The following SNX20 variants were observed in gnomAD, a reference collection of about 807,000 sequenced individuals.
The protein encoded by SNX20 is sorting nexin-20.
A neutral mutation model predicts 24.5 loss-of-function variants in SNX20; 21 were observed. That is an observed-to-expected ratio of 0.86 (90% CI 0.61 to 1.23). The LOEUF (loss-of-function observed/expected upper bound fraction) is 1.23. Among genes scored for constraint, SNX20 ranks in the 50% most tolerant of loss-of-function variants. The pLI, the probability that SNX20 is intolerant of heterozygous loss-of-function variation, is 0.00. For synonymous variants in SNX20, 206 were observed against 192.8 expected (o/e 1.07, Z -0.57); for missense variants, 433 against 430.8 (o/e 1.00, Z -0.04).
At position 50,675,832 on chromosome 16, in the gene SNX20, C is replaced by T. The variant is rs772016083; in HGVS notation, c.220G>A (p.Val74Ile). 24 of 1,613,526 alleles carry T rather than the reference C, an allele frequency of 1.5e-5. No individual in the cohort carries two copies. The highest frequency in any genetic ancestry group is 7.7e-5 in the South Asian group (7 of 91,022). ...WQNQKCRWKH[V>I]KLLFEIASAR... ...GAAGCGATCTCAAAGAGCAGTTTGACGTGCTTCCAGCGGCATTTCTGGTTC... is the reference window on the plus strand; with the variant it reads ...GAAGCGATCTCAAAGAGCAGTTTGATGTGCTTCCAGCGGCATTTCTGGTTC... Residue 74 changes from valine (V) to isoleucine (I), a missense_variant, in exon 3 of 4, where the codon GTC becomes ATC. Physicochemically the swap from Val to Ile is conservative, Grantham distance 29. Transcript: ENST00000330943.
chr16:50,679,008 T>C (rs78919480), intron 1 of SNX20, among the ~76,000 whole-genome samples: 127 of 152,360 alleles, frequency 8.3e-4, no homozygotes, highest in African/African-American at 2.8e-3. Context: ...TTACAAATGT[T>C]TGAGACAACT....
downstream of SNX20, chr16:50,669,072 G>A (rs1458222615): frequency 3.9e-6 from 6 of 1,551,592 alleles, no homozygotes; most frequent in Non-Finnish European, 5.2e-6. Context: ...TGGACATCTC[G>A]GGTCTGGTTC....
chr16:50,677,684 C>T (rs1383077490), intron 1 of SNX20, 149 bp from the exon 2 acceptor site: 3 of 880,394 alleles, frequency 3.4e-6, no homozygotes, highest in Middle Eastern at 7.4e-4. Context: ...ACTCTCCCAG[C>T]TGCCAGATCC....
chr16:50,676,075 A>T (rs895658677), intron 2 of SNX20, among the ~76,000 whole-genome samples, 154 bp from the exon 3 acceptor site: 1 of 152,010 alleles, frequency 6.6e-6, no homozygotes, highest in Admixed American at 6.5e-5. Context: ...TATAGGCCCA[A>T]TTGGGGCATC....
rs1286192748 is a variant in SNX20, at chr16:50,671,794, T to C, written c.*1612A>G. ...ATATCTGTCCAAAGATGAGACAGTC[T>C]GTTTCTAGTTTCCCATCCAGCCTGA... is the stretch of plus-strand genomic sequence containing the variant. On this transcript the variant is annotated 3_prime_UTR_variant, in exon 4 of 4. Coordinates refer to ENST00000330943, the MANE Select transcript of SNX20 (RefSeq NM_182854.4). 6.6e-6 allele frequency: 1 copy of C among 152,222 alleles called. No individual in the cohort carries two copies. Among genetic ancestry groups the C allele is most frequent in the Admixed American group, 6.5e-5 (1 of 15,286 alleles). The allele number at this position is 152,222 out of a possible 1,614,324, so 9.4% of individuals were successfully genotyped here. A position where few individuals can be genotyped will look rare whatever the true frequency, so the allele number is the denominator to read the frequency against.
Position 50,674,055 on chromosome 16 carries a change from A to G in SNX20, c.302T>C (p.Ile101Thr). 1 of 1,604,308 alleles carries G rather than the reference A, an allele frequency of 6.2e-7. No individual in the cohort carries two copies. Among genetic ancestry groups the G allele is most frequent in the East Asian group, 2.3e-5 (1 of 44,338 alleles). Residue 101 changes from isoleucine to threonine, a missense_variant, in exon 4 of 4, where the codon ATC (isoleucine) becomes ACC (threonine). Ile to Thr is a moderately conservative substitution (Grantham distance 89). Coordinates refer to ENST00000330943, the MANE Select transcript of SNX20 (RefSeq NM_182854.4). ...GTTGTTGTCAAAGCTCCCAGTCTGGATGACGATGATTTGGTACACCTAGGG... is the reference window on the plus strand; with the variant it reads ...GTTGTTGTCAAAGCTCCCAGTCTGGGTGACGATGATTTGGTACACCTAGGG... Reference protein sequence around the residue: ...SKFVVYQIIVIQTGSFDNNKA... With the variant: ...SKFVVYQIIVTQTGSFDNNKA...
At chr16:50,667,659 C>G, downstream of SNX20, 1 of 313,936 alleles carries the variant, frequency 3.2e-6, no homozygotes, top group East Asian at 6.4e-5. Flanking sequence ...CACCAACACG[C>G]TGGGGACATG....
At chr16:50,678,697 G>C (rs1209345357) in intron 1 of SNX20, among the ~76,000 whole-genome samples, 2 of 152,210 alleles carry the variant, frequency 1.3e-5, no homozygotes, top group African/African-American at 4.8e-5. Context: ...ACAGGCAGCT[G>C]GGATCTGGTT....
At chr16:50,668,302 C>T, downstream of SNX20, 1 of 1,376,996 alleles carries the variant, frequency 7.3e-7, no homozygotes, top group Non-Finnish European at 9.4e-7. Flanking sequence ...AAAGAGAAGT[C>T]TCAGCTTGGT....
chr16:50,673,705 G>GCTT lies in SNX20; in HGVS notation c.649_651dup (p.Lys217dup), dbSNP rs766326460. Reference sequence around the variant, plus strand: ...GCGGCCGCAGGGCAGTGGGCGGTGAGCTTCTCCTGCAGCGGCAGCACGCGC... The same window carrying GCTT: ...GCGGCCGCAGGGCAGTGGGCGGTGAGCTTCTTCTCCTGCAGCGGCAGCACGCGC... On this transcript the variant is annotated inframe_insertion, in exon 4 of 4. Coordinates refer to ENST00000330943, the MANE Select transcript of SNX20 (RefSeq NM_182854.4). The surrounding 1 kb of genome is among the most constrained non-coding windows in gnomAD (Gnocchi z 4.1). The GCTT allele has an allele frequency of 1.3e-6, 2 of 1,500,776 alleles. No individual in the cohort carries two copies. Among genetic ancestry groups the GCTT allele is most frequent in the Non-Finnish European group, 1.8e-6 (2 of 1,133,218 alleles). The allele number at this position is 1,500,776 out of a possible 1,614,324, so 93.0% of individuals were successfully genotyped here.
At chr16:50,680,491 C>T (rs1356107116) in intron 1 of SNX20, among the ~76,000 whole-genome samples, 1 of 152,204 alleles carries the variant, frequency 6.6e-6, no homozygotes, top group East Asian at 1.9e-4. Flanking sequence ...TAACCACCCC[C>T]TCTCCAAGAG....
chr16:50,679,529 C>T (rs1181512700), intron 1 of SNX20, among the ~76,000 whole-genome samples: 1 of 152,242 alleles, frequency 6.6e-6, no homozygotes, highest in African/African-American at 2.4e-5. Context: ...GGAGCAGGGG[C>T]CTGGCTGGCC....
At chr16:50,671,168 T>C (rs937723970), downstream of SNX20, 1 of 138,774 alleles carries the variant, frequency 7.2e-6, no homozygotes, top group Non-Finnish European at 1.5e-5. Context: ...CTCAACAGGA[T>C]CCTACACTTC....
rs1963067977 is a variant in SNX20 at position 50,672,335 on chromosome 16, A to G, written c.*1071T>C. On this transcript the variant is annotated 3_prime_UTR_variant, in exon 4 of 4. Transcript: ENST00000330943. ...CATTCAGGGAACAGCTGCCTTATGA[A>G]TGAAAATCCACCCCTAGACAATGTG... is the stretch of plus-strand genomic sequence containing the variant. 6.6e-6 allele frequency: 1 copy of G among 152,252 alleles called. No homozygotes were observed. Among genetic ancestry groups the G allele is most frequent in the Admixed American group, 6.5e-5 (1 of 15,284 alleles). 9.4% of individuals were successfully genotyped at this position (152,252 alleles called of 1,614,324 possible). A position where few individuals can be genotyped will look rare whatever the true frequency, so the allele number is the denominator to read the frequency against.
intron 2 of SNX20, among the ~76,000 whole-genome samples, chr16:50,676,399 C>T (rs1005218641): frequency 3.9e-5 from 6 of 152,070 alleles, no homozygotes; most frequent in Non-Finnish European, 5.9e-5. Flanking sequence ...CCTTCCTAAC[C>T]TTCTCATCTA....
At position 50,672,734 on chromosome 16, in the gene SNX20, T is replaced by G. The variant is rs1003390382; in HGVS notation, c.*672A>C. ...GAGAACTGTCTTCAAGGAAATGGAC[T>G]AAGTTTTGTCTAGAATGTGTGAGGT... On this transcript the variant is annotated 3_prime_UTR_variant, in exon 4 of 4. Coordinates refer to ENST00000330943, the MANE Select transcript of SNX20 (RefSeq NM_182854.4). 2 of 152,192 alleles carry G rather than the reference T, an allele frequency of 1.3e-5. No homozygotes were observed. Among genetic ancestry groups the G allele is most frequent in the African/African-American group, 4.8e-5 (2 of 41,434 alleles). The allele number at this position is 152,192 out of a possible 1,614,324, so 9.4% of individuals were successfully genotyped here. A position where few individuals can be genotyped will look rare whatever the true frequency, so the allele number is the denominator to read the frequency against.
chr16:50,679,216 G>A (rs1221432776), intron 1 of SNX20, among the ~76,000 whole-genome samples: 1 of 152,142 alleles, frequency 6.6e-6, no homozygotes, highest in African/African-American at 2.4e-5. Context: ...GGCTGACTAC[G>A]GCCTAGAGAA....
downstream of SNX20, chr16:50,667,026 C>G (rs1014852284): frequency 1.3e-5 from 2 of 152,200 alleles, no homozygotes; most frequent in African/African-American, 4.8e-5. Context: ...CTGGACTTTA[C>G]AGATAATAAA....
downstream of SNX20, chr16:50,667,979 A>G (rs1234181994): frequency 6.5e-7 from 1 of 1,547,854 alleles, no homozygotes; most frequent in South Asian, 1.2e-5. Flanking sequence ...GGCTTCGACC[A>G]GCCCAGAACG....
Sources: gnomAD v4.1 joint callset for allele counts (sites outside exome capture counted in the v4.1 genomes callset) on GRCh38, gnomAD v4.1.1 for gene constraint, Gnocchi (gnomAD v3.1) non-coding constraint, MANE v1.5 for transcripts, NCBI Gene and HGNC (gene_info 2026-07-23, HGNC 2026-07-21) for gene names.